Variants in KCNQ5 observed in about 807,000 individuals in gnomAD.
KCNQ5 encodes potassium voltage-gated channel subfamily KQT member 5.
KCNQ5 carries 30 observed loss-of-function variants against 98.2 expected under a neutral mutation model. That is an observed-to-expected ratio of 0.31 (90% CI 0.23 to 0.41). The LOEUF is 0.41. Among genes scored for constraint, KCNQ5 ranks in the 10% least tolerant of loss-of-function variants. The probability of loss-of-function intolerance (pLI) is 1.00; values close to 1 mark genes in which losing one functional copy is unlikely to be tolerated. For missense variants in KCNQ5, 835 were observed against 1,182.5 expected, an observed-to-expected ratio of 0.71 and a Z score of 4.31; for synonymous variants, 458 against 449.4, an observed-to-expected ratio of 1.02 and a Z score of -0.24.
At chr6:72,650,023 T>C (rs1472338160) in intron 1 of KCNQ5, among the ~76,000 whole-genome samples, 2 of 152,130 alleles carry the variant, frequency 1.3e-5, no homozygotes, top group Admixed American at 1.3e-4. Flanking sequence ...TTTACACAGC[T>C]AATGACTGTT....
chr6:72,670,649 G>C (rs931488157), intron 1 of KCNQ5, among the ~76,000 whole-genome samples: 1 of 152,200 alleles, frequency 6.6e-6, no homozygotes, highest in Non-Finnish European at 1.5e-5. Flanking sequence ...GTCCCAGAGT[G>C]AGGTGCCAGC....
At chr6:72,897,233 A>T (rs969394529) in intron 1 of KCNQ5, among the ~76,000 whole-genome samples, 2 of 152,070 alleles carry the variant, frequency 1.3e-5, no homozygotes, top group African/African-American at 4.8e-5. Flanking sequence ...TTATTGGAAA[A>T]AAAATTTATT....
intron 1 of KCNQ5, among the ~76,000 whole-genome samples, chr6:72,774,253 C>G (rs1054632178): frequency 6.6e-6 from 1 of 152,136 alleles, no homozygotes; most frequent in Non-Finnish European, 1.5e-5. Flanking sequence ...AATTATTCAA[C>G]TCTCTTCCAT....
intron 1 of KCNQ5, among the ~76,000 whole-genome samples, chr6:72,889,014 G>C (rs951708850): frequency 1.3e-5 from 2 of 152,144 alleles, no homozygotes; most frequent in East Asian, 3.9e-4. Context: ...ACATAAGTAA[G>C]TTATATAGGA....
chr6:72,996,497 A>AG (rs1769304829), intron 1 of KCNQ5, among the ~76,000 whole-genome samples: 1 of 152,234 alleles, frequency 6.6e-6, no homozygotes, highest in Non-Finnish European at 1.5e-5. Context: ...ACTCCTAGTT[A>AG]AAGTAATTCC....
intron 1 of KCNQ5, among the ~76,000 whole-genome samples, chr6:72,665,060 G>A (rs773202490): frequency 6.6e-6 from 1 of 151,922 alleles, no homozygotes; most frequent in Non-Finnish European, 1.5e-5. Flanking sequence ...TCAAAATTAT[G>A]TAACTGCCTG....
intron 1 of KCNQ5, among the ~76,000 whole-genome samples, chr6:72,718,537 G>T (rs919500783): frequency 7.7e-6 from 1 of 130,376 alleles, no homozygotes; most frequent in Non-Finnish European, 1.6e-5. Flanking sequence ...TGCAACCTCC[G>T]CCTCCCAGGT....
At chr6:73,055,717 G>A in intron 3 of KCNQ5, 1 of 1,107,520 alleles carries the variant, frequency 9.0e-7, no homozygotes, top group African/African-American at 1.5e-5. Flanking sequence ...AGCTGAACCT[G>A]CCAACTGGCA....
rs1052478384 is a variant in KCNQ5, at chr6:72,891,341, G to A, written c.399-112567G>A. Among the ~76,000 whole-genome samples the A allele has an allele frequency of 5.9e-5, 9 of 152,306 alleles. No individual in the cohort carries two copies. In the East Asian group the frequency reaches 9.6e-4, roughly 16 times the overall value. ...CTTGAGTATGTGTAAATGGTTGGAT[G>A]TGTAAATGGTTGGATGAACATACTC... is the stretch of plus-strand genomic sequence containing the variant. On this transcript the variant is annotated intron_variant, in intron 1 of 13. Transcript: ENST00000370398.
At chr6:72,625,080 C>T (rs757192874) in intron 1 of KCNQ5, among the ~76,000 whole-genome samples, 40 of 152,112 alleles carry the variant, frequency 2.6e-4, no homozygotes, top group Admixed American at 2.0e-4. Flanking sequence ...AACAAGTGCA[C>T]CGTGATTAAT....
intron 1 of KCNQ5, among the ~76,000 whole-genome samples, chr6:72,951,378 C>A (rs778474960): frequency 3.3e-5 from 5 of 151,874 alleles, no homozygotes; most frequent in Non-Finnish European, 7.4e-5. Flanking sequence ...CCAGGTTCAA[C>A]CAATTCTCCC....
intron 7 of KCNQ5, 140 bp downstream of exon 7, chr6:73,111,543 C>G: frequency 4.6e-6 from 3 of 658,066 alleles, no homozygotes; most frequent in Non-Finnish European, 7.9e-6. Flanking sequence ...ACTTAATGTA[C>G]AGTCTTGGAT....
chr6:73,192,720 T>A, intron 13 of KCNQ5, 29 bp downstream of exon 13: 3 of 1,513,852 alleles, frequency 2.0e-6, no homozygotes, highest in Non-Finnish European at 1.8e-6. Context: ...GGGTATCTTT[T>A]TAGCCAGAAT....
chr6:73,064,248 A>G (rs753253319), intron 3 of KCNQ5, among the ~76,000 whole-genome samples: 2 of 152,234 alleles, frequency 1.3e-5, no homozygotes, highest in Non-Finnish European at 2.9e-5. Context: ...AAGAAAAATT[A>G]CATATCCCAA....
chr6:72,718,838 C>T (rs1769800265), intron 1 of KCNQ5, among the ~76,000 whole-genome samples: 1 of 152,150 alleles, frequency 6.6e-6, no homozygotes, highest in Non-Finnish European at 1.5e-5. Context: ...AGTTTCTCCT[C>T]AGCTTCCATT....
Position 73,195,182 on chromosome 6 carries a change from G to T in KCNQ5, c.2567G>T (p.Gly856Val), listed in dbSNP as rs1459860821. The T allele has an allele frequency of 1.2e-6, 2 of 1,614,054 alleles. No homozygotes were observed. The highest frequency in any genetic ancestry group is 1.7e-6 in the Non-Finnish European group (2 of 1,180,046). ...GGGAGTGAGTCAAGTGGCTCCAGAG[G>T]CAGCCAAGATTTTTACCCCAAATGG... is the stretch of plus-strand genomic sequence containing the variant. ...LSGSESSGSR[G>V]SQDFYPKWRE... Residue 856 changes from glycine (G) to valine (V), a missense_variant, in exon 14 of 14, where the codon GGC (glycine) becomes GTC (valine). Transcript: ENST00000370398.
intron 11 of KCNQ5, among the ~76,000 whole-genome samples, chr6:73,181,592 C>G (rs1778406399): frequency 1.3e-5 from 2 of 152,212 alleles, no homozygotes; most frequent in South Asian, 4.1e-4. Flanking sequence ...ATAGTAAAAA[C>G]AGGACATTCA....
At position 72,782,524 on chromosome 6, in the gene KCNQ5, T is replaced by C. The variant is rs566174543; in HGVS notation, c.398+159937T>C. 5.3e-5 allele frequency among the ~76,000 whole-genome samples: 8 copies of C among 152,250 alleles called. No individual in the cohort carries two copies. The South Asian group carries it at 6.2e-4, about 12-fold the overall frequency. ...TTTAAAATTCCTTCCTGAAAAGTGT[T>C]TGTGGTTGTTGTTTTGATGAATTAA... On this transcript the variant is annotated intron_variant, in intron 1 of 13. Coordinates refer to ENST00000370398, the MANE Select transcript of KCNQ5 (RefSeq NM_019842.4).
At chr6:73,112,274 A>G (rs1032064857) in intron 7 of KCNQ5, among the ~76,000 whole-genome samples, 2 of 152,106 alleles carry the variant, frequency 1.3e-5, no homozygotes, top group African/African-American at 4.8e-5. Flanking sequence ...GGCCCTAGGA[A>G]ACTTGCCTTA....
Sources: allele counts gnomAD v4.1 joint callset (sites outside exome capture counted in the v4.1 genomes callset), GRCh38; gene constraint gnomAD v4.1.1; transcripts MANE v1.5; gene names NCBI Gene and HGNC (gene_info 2026-07-23, HGNC 2026-07-21).